MEGF11: variants seen among roughly 807,000 people sequenced by gnomAD.
The protein encoded by MEGF11 is multiple EGF like domains 11, also known as multiple epidermal growth factor-like domains protein 11.
MEGF11 carries 126 observed loss-of-function variants against 146.6 expected under a neutral mutation model. The ratio of observed to expected loss-of-function variants is 0.86; its 90% confidence interval spans 0.74 to 1.00. The LOEUF (loss-of-function observed/expected upper bound fraction) is 1.00. MEGF11 is among the 50% of genes least tolerant of loss of function. MEGF11 has a pLI of 0.00. For missense variants in MEGF11, 1,509 were observed against 1,521.2 expected (o/e 0.99, Z 0.13); for synonymous variants, 532 against 583.4 (o/e 0.91, Z 1.27).
chr15:66,026,557 C>T (rs1308348172), intron 5 of MEGF11, among the ~76,000 whole-genome samples: 3 of 152,166 alleles, frequency 2.0e-5, no homozygotes, highest in Admixed American at 6.5e-5. Context: ...GATCTTGGCT[C>T]ACTGCAACCT....
chr15:65,956,126 C>A (rs1460238043), intron 10 of MEGF11, among the ~76,000 whole-genome samples: 3 of 152,138 alleles, frequency 2.0e-5, no homozygotes, highest in Non-Finnish European at 4.4e-5. Flanking sequence ...CCAAATACAT[C>A]AGAATCTCTG....
At chr15:65,997,987 C>G (rs75917734) in intron 5 of MEGF11, among the ~76,000 whole-genome samples, 4,873 of 151,752 alleles carry the variant, frequency 0.032, 276 homozygotes, top group African/African-American at 0.11. Flanking sequence ...GGGCAGATGT[C>G]CCGGGGTGGG....
chr15:66,118,171 C>T (rs1263219450), intron 4 of MEGF11, among the ~76,000 whole-genome samples: 1 of 152,176 alleles, frequency 6.6e-6, no homozygotes, highest in African/African-American at 2.4e-5. Flanking sequence ...TGACACTCTC[C>T]TACAGTAGAG....
At chr15:65,949,088 T>A (rs1337075739) in intron 10 of MEGF11, among the ~76,000 whole-genome samples, 6 of 152,078 alleles carry the variant, frequency 3.9e-5, no homozygotes, top group Admixed American at 2.0e-4. Flanking sequence ...GAAAAGAAAA[T>A]GCACACACAT....
intron 10 of MEGF11, among the ~76,000 whole-genome samples, chr15:65,950,558 G>T (rs545542090): frequency 6.6e-6 from 1 of 151,522 alleles, no homozygotes; most frequent in South Asian, 2.1e-4. Flanking sequence ...TCCAGCCTGG[G>T]CAATAGAGTG....
At chr15:66,043,250 G>A (rs1262814685) in intron 5 of MEGF11, among the ~76,000 whole-genome samples, 5 of 152,244 alleles carry the variant, frequency 3.3e-5, no homozygotes, top group Non-Finnish European at 5.9e-5. Context: ...TCATGTCTAA[G>A]TGTCTCTCAG....
At chr15:66,218,972 C>A (rs2091657183) in intron 1 of MEGF11, among the ~76,000 whole-genome samples, 1 of 27,744 alleles carries the variant, frequency 3.6e-5, no homozygotes, top group Non-Finnish European at 7.8e-5. Flanking sequence ...AACTGGATAT[C>A]CACAGGCAAA....
intron 1 of MEGF11, among the ~76,000 whole-genome samples, chr15:66,130,111 T>C (rs1444585562): frequency 6.6e-6 from 1 of 152,120 alleles, no homozygotes; most frequent in African/African-American, 2.4e-5. Flanking sequence ...GTCTGTGCAA[T>C]GCCAGGGCTG....
intron 1 of MEGF11, among the ~76,000 whole-genome samples, chr15:66,234,796 GT>G (rs1217408111): frequency 6.6e-6 from 1 of 152,172 alleles, no homozygotes; most frequent in Admixed American, 6.5e-5. Context: ...GAAGCAGTCG[GT>G]TCAGGATCCT....
intron 5 of MEGF11, among the ~76,000 whole-genome samples, chr15:66,030,525 T>G (rs920403406): frequency 6.6e-6 from 1 of 152,206 alleles, no homozygotes; most frequent in African/African-American, 2.4e-5. Context: ...TTCTCCTGCC[T>G]CAGCCTCCGG....
intron 10 of MEGF11, among the ~76,000 whole-genome samples, chr15:65,951,023 C>T (rs1473693087): frequency 6.6e-6 from 1 of 152,194 alleles, no homozygotes; most frequent in Non-Finnish European, 1.5e-5. Context: ...AGGGAGTTTG[C>T]TGAGCAAGAT....
chr15:66,007,687 A>G (rs1475084274), intron 5 of MEGF11, among the ~76,000 whole-genome samples: 1 of 152,204 alleles, frequency 6.6e-6, no homozygotes, highest in Non-Finnish European at 1.5e-5. Context: ...TGGAGGCAGA[A>G]GCTGCAGTGA....
intron 5 of MEGF11, 47 bp downstream of exon 5, chr15:66,094,355 C>T: frequency 1.3e-6 from 2 of 1,499,690 alleles, no homozygotes; most frequent in Non-Finnish European, 1.8e-6. Context: ...CACTCCCCTA[C>T]CAAGTCAGAG....
At chr15:66,191,779 T>C (rs963004164) in intron 1 of MEGF11, among the ~76,000 whole-genome samples, 3 of 152,070 alleles carry the variant, frequency 2.0e-5, no homozygotes, top group Non-Finnish European at 4.4e-5. Flanking sequence ...ATAATCTTAA[T>C]AAAAAGACCT....
chr15:66,069,011 C>T (rs1213702627), intron 5 of MEGF11, among the ~76,000 whole-genome samples: 1 of 152,184 alleles, frequency 6.6e-6, no homozygotes, highest in Non-Finnish European at 1.5e-5. Context: ...TCACTGGGTG[C>T]TCCTGGGTCA....
intron 23 of MEGF11, among the ~76,000 whole-genome samples, chr15:65,908,682 G>A (rs2078702859): frequency 6.6e-6 from 1 of 152,200 alleles, no homozygotes; most frequent in Non-Finnish European, 1.5e-5. Flanking sequence ...CACTCCAACA[G>A]GGCCCAGAGA....
At position 66,202,370 on chromosome 15, in the gene MEGF11, AC is replaced by A. The variant is rs543578189; in HGVS notation, c.-9+51234del. Among the ~76,000 whole-genome samples, 60 of 152,220 alleles carry A rather than the reference AC, an allele frequency of 3.9e-4. No individual in the cohort carries two copies. The South Asian group carries it at 6.2e-3, about 16-fold the overall frequency. Reference sequence around the variant, plus strand: ...TTTAATGGCAGTAGAGAGCAATCACACCCGTGGTGAGCGGGCATGACGGCCC... The same window carrying A: ...TTTAATGGCAGTAGAGAGCAATCACACCGTGGTGAGCGGGCATGACGGCCC... On this transcript the variant is annotated intron_variant, in intron 1 of 25. Transcript: ENST00000395614.
At position 66,084,342 on chromosome 15, in the gene MEGF11, C is replaced by G. The variant is rs895707480; in HGVS notation, c.394+10060G>C. On this transcript the variant is annotated intron_variant, in intron 5 of 25. Coordinates refer to ENST00000395614, the MANE Select transcript of MEGF11 (RefSeq NM_001385028.1). ...GGGAGGCAGGACTAGATTGCAGCCC[C>G]GGACAATGCGGCGGCTTGCAGTGTG... 2.0e-5 allele frequency among the ~76,000 whole-genome samples: 3 copies of G among 152,126 alleles called. No individual in the cohort carries two copies. The East Asian group carries it at 5.8e-4, about 29-fold the overall frequency.
intron 7 of MEGF11, among the ~76,000 whole-genome samples, chr15:65,972,978 G>A (rs1490740983): frequency 2.6e-5 from 4 of 152,028 alleles, no homozygotes; most frequent in Non-Finnish European, 4.4e-5. Flanking sequence ...TTAACCGGGC[G>A]TGGTGGCACA....
Sources: allele counts gnomAD v4.1 joint callset (sites outside exome capture counted in the v4.1 genomes callset), GRCh38; gene constraint gnomAD v4.1.1; transcripts MANE v1.5; gene names NCBI Gene and HGNC (gene_info 2026-07-23, HGNC 2026-07-21).